CD72: variants seen among roughly 807,000 people sequenced by gnomAD.
The protein encoded by CD72 is CD72 molecule, also known as B-cell differentiation antigen CD72.
CD72 carries 28 observed loss-of-function variants against 50.7 expected under a neutral mutation model. The ratio of observed to expected loss-of-function variants is 0.55; its 90% confidence interval spans 0.41 to 0.76. CD72 has a LOEUF of 0.76. Among genes scored for constraint, CD72 ranks in the 30% least tolerant of loss-of-function variants. CD72 has a pLI of 0.00. For missense variants in CD72, 403 were observed against 420.6 expected (o/e 0.96, Z 0.37); for synonymous variants, 176 against 171.2 (o/e 1.03, Z -0.22).
intron 1 of CD72, among the ~76,000 whole-genome samples, chr9:35,646,079 G>A (rs1341251217): frequency 6.6e-6 from 1 of 151,834 alleles, no homozygotes; most frequent in Non-Finnish European, 1.5e-5. Flanking sequence ...AGAATCTCTT[G>A]AACCTGGGAG....
At chr9:35,610,407 A>G (rs1213691999) in intron 8 of CD72, 107 bp from the exon 9 acceptor site, 3 of 491,456 alleles carry the variant, frequency 6.1e-6, no homozygotes, top group Non-Finnish European at 1.1e-5. Context: ...CCAGCCTCCC[A>G]TAAGTTGTAG....
chr9:35,643,860 C>A (rs1823361458), intron 1 of CD72, among the ~76,000 whole-genome samples: 1 of 151,934 alleles, frequency 6.6e-6, no homozygotes, highest in Non-Finnish European at 1.5e-5. Flanking sequence ...CCCCAATAAT[C>A]CCAGCTACTC....
At chr9:35,614,108 C>A (rs1823033908) in intron 5 of CD72, among the ~76,000 whole-genome samples, 1 of 151,796 alleles carries the variant, frequency 6.6e-6, no homozygotes, top group Non-Finnish European at 1.5e-5. Context: ...GTGATGGAAG[C>A]CATGTTAAGG....
At chr9:35,637,027 C>T (rs1404192850) in intron 1 of CD72, among the ~76,000 whole-genome samples, 3 of 151,790 alleles carry the variant, frequency 2.0e-5, no homozygotes, top group African/African-American at 4.8e-5. Context: ...CCCACCCTTG[C>T]GATAAGTACT....
upstream of CD72, among the ~76,000 whole-genome samples, chr9:35,619,947 C>T (rs1823129407): frequency 6.6e-6 from 1 of 151,960 alleles, no homozygotes; most frequent in African/African-American, 2.4e-5. Flanking sequence ...ATTAAAGTTT[C>T]CAACAACCTA....
In CD72 at chr9:35,640,698, T is replaced by C. The variant is rs1015085658; in HGVS notation, n.408+5705A>G. Among the ~76,000 whole-genome samples, 74 of 152,202 alleles carry C rather than the reference T, an allele frequency of 4.9e-4. 2 individuals are homozygous for C. Among genetic ancestry groups the C allele is most frequent in the African/African-American group, 1.7e-3 (69 of 41,530 alleles). On this transcript the variant is annotated intron_variant and non_coding_transcript_variant, in intron 1 of 3. Transcript: ENST00000465754. ...GGTCTGCGACAGTGGCAAACAGCAG[T>C]GGTGGACGGGGAGCGAAAGCTCAGC...
chr9:35,622,188 A>T (rs2131775015), upstream of CD72, among the ~76,000 whole-genome samples: 1 of 152,286 alleles, frequency 6.6e-6, no homozygotes, highest in East Asian at 1.9e-4. Context: ...CTAGGTGTGG[A>T]CTTTACAAAC....
rs1233830494 is a variant in CD72, at chr9:35,628,781, G to GT, written n.409-10661dup. On this transcript the variant is annotated intron_variant and non_coding_transcript_variant, in intron 1 of 3. Transcript: ENST00000465754. ...GCCACCTCACCCTGGGAGTGGGAGA[G>GT]TAACTGTGTGGGCGCATGTTCTACA... 5.3e-5 allele frequency among the ~76,000 whole-genome samples: 8 copies of GT among 152,338 alleles called. No individual in the cohort carries two copies. The East Asian group carries it at 1.5e-3, about 29-fold the overall frequency.
At position 35,628,389 on chromosome 9, in the gene CD72, G is replaced by A. The variant is rs184656347; in HGVS notation, n.409-10268C>T. On this transcript the variant is annotated intron_variant and non_coding_transcript_variant, in intron 1 of 3. Transcript: ENST00000465754. Reference sequence around the variant, plus strand: ...CGGTGGATTACAAGGTCAGGAGCTCGAGACCATCCTGGCTAACATGGTGAA... The same window carrying A: ...CGGTGGATTACAAGGTCAGGAGCTCAAGACCATCCTGGCTAACATGGTGAA... Among the ~76,000 whole-genome samples, 12 of 152,310 alleles carry A rather than the reference G, an allele frequency of 7.9e-5. No individual in the cohort carries two copies. In the East Asian group the frequency reaches 1.3e-3, roughly 17 times the overall value.
At chr9:35,615,901 C>T in intron 5 of CD72, 42 bp downstream of exon 5, 4 of 1,520,028 alleles carry the variant, frequency 2.6e-6, no homozygotes, top group Non-Finnish European at 3.6e-6. Context: ...TCTCCTTGCT[C>T]CAATCCATCC....
At chr9:35,638,467 C>G (rs4879917) in intron 1 of CD72, among the ~76,000 whole-genome samples, 1 of 151,108 alleles carries the variant, frequency 6.6e-6, no homozygotes, top group Non-Finnish European at 1.5e-5. Context: ...AGCTCTCCCC[C>G]ACCTGCCCAA....
rs181488994 is a variant in CD72 at position 35,630,541 on chromosome 9, T to G, written n.409-12420A>C. ...TTCTGTTTATTCCCATCTTGTTTTA[T>G]AGTGTTTAATAATATTTTACTGTAT... is the stretch of plus-strand genomic sequence containing the variant. On this transcript the variant is annotated intron_variant and non_coding_transcript_variant, in intron 1 of 3. Transcript: ENST00000465754. 5.6e-4 allele frequency among the ~76,000 whole-genome samples: 86 copies of G among 152,348 alleles called. No homozygotes were observed. The East Asian group carries it at 0.013, about 23-fold the overall frequency.
intron 1 of CD72, among the ~76,000 whole-genome samples, chr9:35,639,142 CATT>C (rs1008214568): frequency 4.0e-5 from 6 of 151,154 alleles, no homozygotes; most frequent in African/African-American, 1.2e-4. Flanking sequence ...ATTCAACAAA[CATT>C]AATTGATGAG....
intron 1 of CD72, among the ~76,000 whole-genome samples, chr9:35,634,281 G>A (rs1320813377): frequency 6.6e-6 from 1 of 152,054 alleles, no homozygotes; most frequent in East Asian, 1.9e-4. Context: ...CTTTTCTAGT[G>A]TATGAAAACA....
At chr9:35,617,146 C>T in intron 3 of CD72, 30 bp downstream of exon 3, 2 of 1,551,844 alleles carry the variant, frequency 1.3e-6, no homozygotes, top group Non-Finnish European at 1.7e-6. Flanking sequence ...AGCACTTGGC[C>T]CCGCGGCTGC....
chr9:35,637,251 G>A (rs999724810), intron 1 of CD72, among the ~76,000 whole-genome samples: 3 of 152,088 alleles, frequency 2.0e-5, no homozygotes, highest in Non-Finnish European at 2.9e-5. Flanking sequence ...CTCTCTATTC[G>A]GACTCAGCCC....
intron 1 of CD72, among the ~76,000 whole-genome samples, chr9:35,624,569 C>G (rs886618354): frequency 8.5e-5 from 13 of 152,138 alleles, no homozygotes; most frequent in Middle Eastern, 3.2e-3. Flanking sequence ...ACCTGATTGC[C>G]TGATTATCAT....
At chr9:35,610,885 G>A (rs1563893863) in intron 7 of CD72, 132 bp from the exon 8 acceptor site, 3 of 618,522 alleles carry the variant, frequency 4.9e-6, no homozygotes, top group Non-Finnish European at 8.4e-6. Context: ...GCATGGTTCA[G>A]GACAGATGTC....
intron 6 of CD72, among the ~76,000 whole-genome samples, chr9:35,612,405 TG>T (rs1372530638): frequency 2.0e-5 from 3 of 152,028 alleles, no homozygotes; most frequent in African/African-American, 4.8e-5. Flanking sequence ...ACCAATATGG[TG>T]AAACCCCGAC....
Sources: gnomAD v4.1 joint callset for allele counts (sites outside exome capture counted in the v4.1 genomes callset) on GRCh38, gnomAD v4.1.1 for gene constraint, MANE v1.5 for transcripts, NCBI Gene and HGNC (gene_info 2026-07-23, HGNC 2026-07-21) for gene names.